ANO4: variants seen among roughly 807,000 people sequenced by gnomAD.
ANO4 encodes anoctamin 4.
In ANO4, 69 loss-of-function variants were observed where a neutral mutation model predicts 141.9. The observed-to-expected ratio is 0.49, with a 90% CI of 0.40 to 0.59. The LOEUF is 0.59. Ranked by LOEUF, ANO4 falls within the 20% of genes least tolerant of loss-of-function variation. The probability of loss-of-function intolerance (pLI) is 0.00; values close to 1 mark genes in which losing one functional copy is unlikely to be tolerated. For missense variants in ANO4, 894 were observed against 1,162.2 expected (o/e 0.77, Z 3.36); for synonymous variants, 350 against 394.3 (o/e 0.89, Z 1.33).
chr12:100,855,425 A>T (rs1400586829), intron 1 of ANO4, among the ~76,000 whole-genome samples: 2 of 152,096 alleles, frequency 1.3e-5, no homozygotes, highest in East Asian at 3.9e-4. Flanking sequence ...ATCTTTATTC[A>T]TAGGGTGCTG....
chr12:100,889,215 A>G (rs1368965655), intron 1 of ANO4, among the ~76,000 whole-genome samples: 1 of 151,992 alleles, frequency 6.6e-6, no homozygotes, highest in Non-Finnish European at 1.5e-5. Context: ...TGATCTCATC[A>G]TTTTTTATGG....
At chr12:100,761,628 A>T (rs781419551) in intron 3 of ANO4, among the ~76,000 whole-genome samples, 7 of 152,156 alleles carry the variant, frequency 4.6e-5, no homozygotes, top group Non-Finnish European at 8.8e-5. Flanking sequence ...ATGTGCAAAA[A>T]TCCCAGGAAA....
At chr12:100,757,100 A>T (rs1010054301) in intron 3 of ANO4, among the ~76,000 whole-genome samples, 2 of 151,954 alleles carry the variant, frequency 1.3e-5, no homozygotes, top group African/African-American at 4.8e-5. Flanking sequence ...TCCCTTCTGC[A>T]TTTTCCAGAA....
intron 26 of ANO4, among the ~76,000 whole-genome samples, chr12:101,122,056 C>T (rs1188618449): frequency 2.0e-5 from 3 of 152,150 alleles, no homozygotes; most frequent in Non-Finnish European, 4.4e-5. Context: ...TGCACTTGGC[C>T]TGACTTTCTA....
intron 13 of ANO4, among the ~76,000 whole-genome samples, chr12:101,043,905 A>G (rs1373260551): frequency 6.6e-6 from 1 of 152,170 alleles, no homozygotes; most frequent in African/African-American, 2.4e-5. Context: ...GTTAGGTCCA[A>G]ATTTTGACTC....
At chr12:101,062,876 C>G (rs1297461496) in intron 14 of ANO4, among the ~76,000 whole-genome samples, 1 of 152,206 alleles carries the variant, frequency 6.6e-6, no homozygotes, top group Non-Finnish European at 1.5e-5. Context: ...CTTCAGCCCC[C>G]TTTCCAGGGG....
intron 3 of ANO4, among the ~76,000 whole-genome samples, chr12:100,762,626 T>G (rs1228699533): frequency 2.6e-5 from 4 of 152,142 alleles, no homozygotes; most frequent in Non-Finnish European, 5.9e-5. Flanking sequence ...CAACACTAGA[T>G]GATACTGTAG....
rs747466188 is a variant in ANO4, at chr12:100,960,744, G to A, written c.457-10562G>A. Among the ~76,000 whole-genome samples, 7 of 152,268 alleles carry A rather than the reference G, an allele frequency of 4.6e-5. 1 individual carries two copies. Among genetic ancestry groups the A allele is most frequent in the Middle Eastern group, 6.8e-3 (2 of 294 alleles). The stretch of plus-strand genomic sequence containing the variant: ...TGTTAATCTCTGCAGCGTACTAAGG[G>A]CATAGCGATTCATGGGTTACTGATT... On this transcript the variant is annotated intron_variant, in intron 5 of 27. Transcript: ENST00000392977.
At chr12:100,995,404 C>T (rs61944890) in intron 8 of ANO4, among the ~76,000 whole-genome samples, 14,165 of 152,032 alleles carry the variant, frequency 0.093, 765 homozygotes, top group Middle Eastern at 0.18. Flanking sequence ...GAGTTAGAGG[C>T]GTGGGAGGGA....
At chr12:100,953,501 G>A (rs1015550903) in intron 5 of ANO4, among the ~76,000 whole-genome samples, 8 of 152,174 alleles carry the variant, frequency 5.3e-5, no homozygotes, top group Non-Finnish European at 1.0e-4. Context: ...TGTATCTTAG[G>A]CATATTTTAA....
At chr12:100,760,554 A>G (rs1167024894) in intron 3 of ANO4, among the ~76,000 whole-genome samples, 1 of 152,166 alleles carries the variant, frequency 6.6e-6, no homozygotes, top group Non-Finnish European at 1.5e-5. Flanking sequence ...GTCAATCCCT[A>G]AGACTTTTCC....
chr12:101,081,404 A>G (rs1231164908), intron 15 of ANO4, among the ~76,000 whole-genome samples: 1 of 152,132 alleles, frequency 6.6e-6, no homozygotes, highest in South Asian at 2.1e-4. Context: ...TGGGGAACGT[A>G]TGTATCCCTT....
At chr12:101,055,377 G>T (rs1231916031) in intron 14 of ANO4, among the ~76,000 whole-genome samples, 2 of 152,136 alleles carry the variant, frequency 1.3e-5, no homozygotes, top group Non-Finnish European at 2.9e-5. Context: ...ATTTTAGTGG[G>T]TATATGGTAT....
At chr12:101,031,913 C>G (rs1219500977) in intron 9 of ANO4, among the ~76,000 whole-genome samples, 6 of 152,150 alleles carry the variant, frequency 3.9e-5, no homozygotes, top group Admixed American at 3.3e-4. Flanking sequence ...CTACAAACCA[C>G]TGCTCAAGGA....
chr12:100,928,881 G>A (rs1281564576), intron 3 of ANO4, among the ~76,000 whole-genome samples: 2 of 152,106 alleles, frequency 1.3e-5, no homozygotes, highest in Admixed American at 6.6e-5. Context: ...CCATTGTGGA[G>A]TGCTGGGGTT....
At chr12:101,049,492 T>C (rs2047771446) in intron 14 of ANO4, among the ~76,000 whole-genome samples, 1 of 152,094 alleles carries the variant, frequency 6.6e-6, no homozygotes, top group Admixed American at 6.6e-5. Context: ...CATATTTTTT[T>C]TTTTTTTGAG....
exon 1 of ANO4, chr12:100,717,544 T>G (rs1334521815): frequency 2.5e-6 from 1 of 399,578 alleles, no homozygotes; most frequent in African/African-American, 2.1e-5. Context: ...CCTCACCGCA[T>G]ACGGTAACTG....
At chr12:101,072,104 G>A (rs1297357801) in intron 14 of ANO4, among the ~76,000 whole-genome samples, 3 of 152,138 alleles carry the variant, frequency 2.0e-5, no homozygotes, top group African/African-American at 2.4e-5. Flanking sequence ...CCTGGTGTTT[G>A]ATAGAGCCCA....
intron 14 of ANO4, among the ~76,000 whole-genome samples, chr12:101,076,719 A>T (rs1405764447): frequency 2.0e-5 from 3 of 152,158 alleles, no homozygotes; most frequent in Non-Finnish European, 4.4e-5. Flanking sequence ...CTTTATGCTC[A>T]TGGAGGTACC....
Sources: allele counts gnomAD v4.1 joint callset (sites outside exome capture counted in the v4.1 genomes callset), GRCh38; gene constraint gnomAD v4.1.1; transcripts MANE v1.5; gene names NCBI Gene and HGNC (gene_info 2026-07-23, HGNC 2026-07-21).